The following FLNB variants were observed in gnomAD, a reference collection of about 807,000 sequenced individuals.
FLNB encodes filamin B.
A neutral mutation model predicts 250.6 loss-of-function variants in FLNB; 111 were observed. The ratio of observed to expected loss-of-function variants is 0.44; its 90% CI spans 0.38 to 0.52. The LOEUF (loss-of-function observed/expected upper bound fraction) is 0.52, where lower values mean the gene tolerates loss of function less well. Among genes scored for constraint, FLNB ranks in the 20% least tolerant of loss-of-function variants. FLNB has a pLI of 0.00. For missense variants in FLNB, 2,869 were observed against 3,447.8 expected, an observed-to-expected ratio of 0.83 and a Z score of 4.20; for synonymous variants, 1,302 against 1,372.1, an observed-to-expected ratio of 0.95 and a Z score of 1.13.
chr3:58,113,901 A>G (rs574486431), intron 18 of FLNB, among the ~76,000 whole-genome samples: 1 of 151,338 alleles, frequency 6.6e-6, no homozygotes, highest in African/African-American at 2.4e-5. Flanking sequence ...CTGGTCTCCA[A>G]CTCCTGGGCT....
intron 18 of FLNB, among the ~76,000 whole-genome samples, chr3:58,116,059 C>T (rs973155299): frequency 2.6e-5 from 4 of 152,096 alleles, no homozygotes; most frequent in East Asian, 3.9e-4. Flanking sequence ...TGTGAGTGAG[C>T]GAATAAATGA....
At chr3:58,065,490 G>GCCAAAA in intron 1 of FLNB, among the ~76,000 whole-genome samples, 1 of 152,346 alleles carries the variant, frequency 6.6e-6, no homozygotes, top group South Asian at 2.1e-4. Flanking sequence ...CTTCACCTCT[G>GCCAAAA]TGGGCCTCTG....
At chr3:58,144,646 T>G (rs2097332824) in intron 32 of FLNB, among the ~76,000 whole-genome samples, 1 of 152,238 alleles carries the variant, frequency 6.6e-6, no homozygotes, top group Admixed American at 6.5e-5. Context: ...AGGGCCCCAG[T>G]GCAGGCATCT....
At chr3:58,152,836 G>A (rs1478436884) in intron 38 of FLNB, 2 of 954,960 alleles carry the variant, frequency 2.1e-6, no homozygotes, top group Admixed American at 2.4e-5. Flanking sequence ...GGCAGTGCAG[G>A]CACAGTCGTT....
chr3:58,009,049 A>G (rs1389152035), intron 1 of FLNB, among the ~76,000 whole-genome samples, 193 bp downstream of exon 1: 1 of 151,848 alleles, frequency 6.6e-6, no homozygotes, highest in East Asian at 1.9e-4. Context: ...ACCTGTTGTG[A>G]TCGCTCCCCG....
chr3:58,160,040 G>T (rs958257145), intron 42 of FLNB, among the ~76,000 whole-genome samples: 1 of 150,830 alleles, frequency 6.6e-6, no homozygotes, highest in Non-Finnish European at 1.5e-5. Flanking sequence ...CCTGTCTCCA[G>T]AAAAAAAACA....
At chr3:58,087,470 T>C (rs551620807) in intron 4 of FLNB, among the ~76,000 whole-genome samples, 12 of 152,256 alleles carry the variant, frequency 7.9e-5, no homozygotes, top group African/African-American at 2.9e-4. Context: ...TTTTTTTTTT[T>C]TGAGACGGAG....
chr3:58,095,025 G>A (rs1424316057), intron 5 of FLNB, 71 bp downstream of exon 5: 4 of 1,166,326 alleles, frequency 3.4e-6, no homozygotes, highest in Non-Finnish European at 5.2e-6. Flanking sequence ...TGCGGCCAGG[G>A]ACTGTGCCTC....
At chr3:58,088,164 C>T (rs2097220547) in intron 4 of FLNB, among the ~76,000 whole-genome samples, 1 of 151,258 alleles carries the variant, frequency 6.6e-6, no homozygotes, top group South Asian at 2.1e-4. Flanking sequence ...TCTCCTGCCT[C>T]AGCCTCCCGA....
chr3:58,019,380 T>C (rs2097110435), intron 1 of FLNB, among the ~76,000 whole-genome samples: 1 of 152,220 alleles, frequency 6.6e-6, no homozygotes, highest in African/African-American at 2.4e-5. Flanking sequence ...TATCCAAGGT[T>C]ACTTGGGCCT....
intron 1 of FLNB, among the ~76,000 whole-genome samples, chr3:58,017,344 G>A (rs535516411): frequency 3.9e-5 from 6 of 152,292 alleles, no homozygotes; most frequent in South Asian, 2.1e-4. Context: ...TCCGCCTCCC[G>A]GGTTCAAGAG....
intron 28 of FLNB, among the ~76,000 whole-genome samples, 172 bp from the exon 29 acceptor site, chr3:58,138,110 G>A (rs1004360708): frequency 2.0e-5 from 3 of 152,190 alleles, no homozygotes; most frequent in Non-Finnish European, 4.4e-5. Context: ...AATTGATGAC[G>A]TAACCCTTTG....
chr3:58,120,177 G>A (rs1193824807), intron 19 of FLNB, among the ~76,000 whole-genome samples: 2 of 152,242 alleles, frequency 1.3e-5, no homozygotes, highest in African/African-American at 4.8e-5. Flanking sequence ...CCAGCTCCCA[G>A]TTGCAGAGAT....
intron 25 of FLNB, among the ~76,000 whole-genome samples, chr3:58,131,624 G>A (rs2097307593): frequency 6.6e-6 from 1 of 152,198 alleles, no homozygotes; most frequent in African/African-American, 2.4e-5. Context: ...TATGTTCTTG[G>A]ATTCACAGAA....
intron 25 of FLNB, 63 bp downstream of exon 25, chr3:58,130,971 C>A: frequency 6.7e-7 from 1 of 1,502,154 alleles, no homozygotes; most frequent in Non-Finnish European, 9.1e-7. Flanking sequence ...AGCTGTAACC[C>A]AGAGCAGATG....
In FLNB at chr3:58,123,120, G is replaced by A. The variant is rs1171487410; in HGVS notation, c.3154G>A (p.Gly1052Ser). ...GAAGGCCCACGGTCCCGGCCTCGAA[G>A]GTGGTCTCGTGGGCAAGCCTGCCGA... Reference protein sequence around the residue: ...KVKAHGPGLEGGLVGKPAEFT... With the variant: ...KVKAHGPGLESGLVGKPAEFT... The change falls in exon 21 of 46, where the codon GGT (glycine) becomes AGT (serine). Residue 1052 changes from glycine (G) to serine (S), a missense_variant. Gly to Ser is a moderately conservative substitution (Grantham distance 56). Around this residue, in one of 5 missense-constraint regions of FLNB, gnomAD observed 1,348 missense variants for 1,466.7 expected, o/e 0.92. Coordinates refer to ENST00000295956, the MANE Select transcript of FLNB (RefSeq NM_001457.4). The A allele has an allele frequency of 6.2e-7, 1 of 1,614,204 alleles. No homozygotes were observed. Among genetic ancestry groups the A allele is most frequent in the Admixed American group, 1.7e-5 (1 of 60,028 alleles).
chr3:58,111,756 G>T (rs1217325604), intron 16 of FLNB, 35 bp from the exon 17 acceptor site: 1 of 1,537,162 alleles, frequency 6.5e-7, no homozygotes, highest in Non-Finnish European at 9.0e-7. Context: ...TGTTGCTTCA[G>T]GGGCTTTCCT....
intron 1 of FLNB, among the ~76,000 whole-genome samples, chr3:58,033,941 A>G (rs1576612359): frequency 6.6e-6 from 1 of 151,398 alleles, no homozygotes; most frequent in South Asian, 2.1e-4. Flanking sequence ...GCTCACTGCA[A>G]CCTCCACCTC....
At chr3:58,146,491 C>T (rs1353638522) in intron 33 of FLNB, among the ~76,000 whole-genome samples, 1 of 152,154 alleles carries the variant, frequency 6.6e-6, no homozygotes, top group Admixed American at 6.5e-5. Context: ...AGGGACAATC[C>T]ACCTCTGCCC....
Sources: allele counts gnomAD v4.1 joint callset (sites outside exome capture counted in the v4.1 genomes callset), GRCh38; gene constraint gnomAD v4.1.1; regional missense constraint gnomAD v4.1.1; transcripts MANE v1.5; gene names NCBI Gene and HGNC (gene_info 2026-07-23, HGNC 2026-07-21).